The following RHEB variants were observed in gnomAD, a reference collection of about 807,000 sequenced individuals.
RHEB encodes Ras homolog, mTORC1 binding, also known as GTP-binding protein Rheb.
In RHEB, 2 loss-of-function variants were observed where a neutral mutation model predicts 28.8. That is an observed-to-expected ratio of 0.07 (90% CI 0.03 to 0.22). The LOEUF (loss-of-function observed/expected upper bound fraction) is 0.22. Among genes scored for constraint, RHEB ranks in the 10% least tolerant of loss-of-function variants. RHEB has a pLI of 1.00. For missense variants in RHEB, 76 were observed against 219.9 expected (o/e 0.35, Z 4.14); for synonymous variants, 69 against 77.3 (o/e 0.89, Z 0.56).
chr7:151,519,555 C>T lies in RHEB; in HGVS notation c.-44G>A, dbSNP rs758848011. The T allele has an allele frequency of 6.6e-6, 10 of 1,511,592 alleles. No homozygotes were observed. Among genetic ancestry groups the T allele is most frequent in the East Asian group, 2.7e-5 (1 of 36,578 alleles). 93.6% of individuals were successfully genotyped at this position (1,511,592 alleles called of 1,614,324 possible). ...CCCGGCCCAACCACATCAACCGCGGCGGCGGTGGCTCCTGCTGCTGTGATC... is the reference window on the plus strand; with the variant it reads ...CCCGGCCCAACCACATCAACCGCGGTGGCGGTGGCTCCTGCTGCTGTGATC... On this transcript the variant is annotated 5_prime_UTR_variant, in exon 1 of 8. Transcript: ENST00000262187.
At chr7:151,486,805 T>A (rs1344897519) in intron 2 of RHEB, among the ~76,000 whole-genome samples, 1 of 152,164 alleles carries the variant, frequency 6.6e-6, no homozygotes, top group East Asian at 1.9e-4. Flanking sequence ...TGGAAATATT[T>A]CAGAGGCAGA....
chr7:151,484,935 A>C lies in RHEB; in HGVS notation c.125-131T>G, dbSNP rs1212386500. On this transcript the variant is annotated intron_variant, in intron 2 of 7. Coordinates refer to ENST00000262187, the MANE Select transcript of RHEB (RefSeq NM_005614.4). ...AGAGAAAGGCCCCATGAAACAAAAA[A>C]GAACAACTCTCTGACTTGTATAGAT... The C allele has an allele frequency of 6.5e-6, 4 of 614,560 alleles. No homozygotes were observed. In the Admixed American group the frequency reaches 1.2e-4, roughly 18 times the overall value. The allele number at this position is 614,560 out of a possible 1,614,324, so 38.1% of individuals were successfully genotyped here.
chr7:151,478,817 T>C (rs1040951985), intron 3 of RHEB, among the ~76,000 whole-genome samples: 2 of 152,164 alleles, frequency 1.3e-5, no homozygotes, highest in Non-Finnish European at 2.9e-5. Context: ...GCATTTGCAG[T>C]AGAGACAGGA....
At chr7:151,514,481 C>A (rs1392335295) in intron 1 of RHEB, among the ~76,000 whole-genome samples, 2 of 151,982 alleles carry the variant, frequency 1.3e-5, no homozygotes, top group East Asian at 3.9e-4. Context: ...CCACTTCACA[C>A]CCAATAGGAT....
At chr7:151,504,662 G>A (rs777271725) in intron 1 of RHEB, among the ~76,000 whole-genome samples, 3 of 152,128 alleles carry the variant, frequency 2.0e-5, no homozygotes, top group Non-Finnish European at 4.4e-5. Flanking sequence ...GTTGTGCTAA[G>A]TAGCCAGACG....
At chr7:151,479,645 A>T (rs185467607) in intron 3 of RHEB, among the ~76,000 whole-genome samples, 1,923 of 149,606 alleles carry the variant, frequency 0.013, 33 homozygotes, top group African/African-American at 0.043. Flanking sequence ...ATCGCGCCAC[A>T]GCACTCCAGC....
chr7:151,480,533 T>G (rs1387636014), intron 3 of RHEB, among the ~76,000 whole-genome samples: 2 of 152,132 alleles, frequency 1.3e-5, no homozygotes, highest in Non-Finnish European at 2.9e-5. Context: ...AGGAACGTCT[T>G]AAGTTTTACT....
Position 151,503,776 on chromosome 7 carries a change from A to AAT in RHEB, c.53-12763_53-12762insAT, listed in dbSNP as rs1554439921. 7.4e-3 allele frequency among the ~76,000 whole-genome samples: 1,112 copies of AAT among 151,240 alleles called. 12 individuals are homozygous for AAT. Among genetic ancestry groups the AAT allele is most frequent in the African/African-American group, 0.018 (753 of 41,242 alleles). ...CTTGTATTTTATGAAAAAAAAAAAAATTTTTTTAAGCCTTCATATACAGAA... is the reference window on the plus strand; with the variant it reads ...CTTGTATTTTATGAAAAAAAAAAAAAATTTTTTTTAAGCCTTCATATACAGAA... On this transcript the variant is annotated intron_variant, in intron 1 of 7. Transcript: ENST00000262187.
intron 3 of RHEB, among the ~76,000 whole-genome samples, chr7:151,479,943 T>C (rs770304826): frequency 1.5e-4 from 23 of 152,152 alleles, no homozygotes; most frequent in Non-Finnish European, 2.2e-4. Context: ...TACAAACATC[T>C]TCTAACATAG....
chr7:151,473,136 T>C (rs1416594547), intron 4 of RHEB, among the ~76,000 whole-genome samples: 1 of 152,226 alleles, frequency 6.6e-6, no homozygotes, highest in African/African-American at 2.4e-5. Context: ...GAACAGAATA[T>C]GGCAAAGGTG....
Position 151,481,124 on chromosome 7 carries a change from A to T in RHEB, c.192+3613T>A, listed in dbSNP as rs553269013. ...AGGCATAAATAGGTTAATATAGAAG[A>T]GGCTACTTTTTTTTTTTTTTGATAC... On this transcript the variant is annotated intron_variant, in intron 3 of 7. Transcript: ENST00000262187. Among the ~76,000 whole-genome samples the T allele has an allele frequency of 3.3e-5, 5 of 150,710 alleles. No individual in the cohort carries two copies. In the South Asian group the frequency reaches 1.0e-3, roughly 31 times the overall value.
At chr7:151,515,139 C>T (rs897759467) in intron 1 of RHEB, among the ~76,000 whole-genome samples, 2 of 151,416 alleles carry the variant, frequency 1.3e-5, no homozygotes, top group Non-Finnish European at 2.9e-5. Context: ...ATGTGGTATA[C>T]TCACATGACA....
chr7:151,467,875 GGGA>G (rs1466752999), intron 7 of RHEB, among the ~76,000 whole-genome samples: 3 of 152,108 alleles, frequency 2.0e-5, no homozygotes, highest in African/African-American at 4.8e-5. Context: ...ACACTGAGTG[GGGA>G]GGAGAACTGT....
At chr7:151,513,437 G>A (rs1039036005) in intron 1 of RHEB, among the ~76,000 whole-genome samples, 6 of 152,202 alleles carry the variant, frequency 3.9e-5, no homozygotes, top group African/African-American at 1.2e-4. Flanking sequence ...CACTCATAGC[G>A]AACAGTGTTC....
intron 1 of RHEB, among the ~76,000 whole-genome samples, chr7:151,500,045 G>A (rs887129378): frequency 7.2e-5 from 11 of 152,124 alleles, no homozygotes; most frequent in Admixed American, 1.3e-4. Flanking sequence ...CAAGCGGTCC[G>A]CCCATTCTGT....
chr7:151,487,644 G>GT (rs1274208852), intron 2 of RHEB, among the ~76,000 whole-genome samples: 4 of 152,108 alleles, frequency 2.6e-5, no homozygotes, highest in Non-Finnish European at 5.9e-5. Flanking sequence ...AAAACTGCCA[G>GT]TTTTTTACTA....
intron 7 of RHEB, among the ~76,000 whole-genome samples, chr7:151,469,374 A>G (rs1476889467): frequency 2.0e-5 from 3 of 152,232 alleles, no homozygotes; most frequent in Non-Finnish European, 4.4e-5. Context: ...AGAAGAAACC[A>G]CAATTTCTTT....
In RHEB at chr7:151,519,792, G is replaced by C. The variant is rs980419304; in HGVS notation, c.-281C>G. The C allele has an allele frequency of 5.5e-4, 172 of 310,536 alleles. No individual in the cohort carries two copies. Among genetic ancestry groups the C allele is most frequent in the African/African-American group, 3.4e-3 (158 of 45,874 alleles). The allele number at this position is 310,536 out of a possible 1,614,324, so 19.2% of individuals were successfully genotyped here. ...GCCGCCTCCGCCCCCCGAAATACGCGGGGGGTGCGTCGGGGCGACGTTTTA... is the reference window on the plus strand; with the variant it reads ...GCCGCCTCCGCCCCCCGAAATACGCCGGGGGTGCGTCGGGGCGACGTTTTA... On this transcript the variant is annotated 5_prime_UTR_variant, in exon 1 of 8. Coordinates refer to ENST00000262187, the MANE Select transcript of RHEB (RefSeq NM_005614.4).
In RHEB at chr7:151,467,027, A is replaced by C. The variant is rs563918409; in HGVS notation, c.*92T>G. ...ATGATATCTTTCAGGTTAACAGAAGAAAAAAGAAGCATAGTTTATCTTCAA... is the reference window on the plus strand; with the variant it reads ...ATGATATCTTTCAGGTTAACAGAAGCAAAAAGAAGCATAGTTTATCTTCAA... On this transcript the variant is annotated 3_prime_UTR_variant, in exon 8 of 8. Coordinates refer to ENST00000262187, the MANE Select transcript of RHEB (RefSeq NM_005614.4). The C allele has an allele frequency of 1.1e-6, 1 of 909,042 alleles. No individual in the cohort carries two copies. Among genetic ancestry groups the C allele is most frequent in the African/African-American group, 1.6e-5 (1 of 60,688 alleles). 56.3% of individuals were successfully genotyped at this position (909,042 alleles called of 1,614,324 possible).
Sources: gnomAD v4.1 joint callset for allele counts (sites outside exome capture counted in the v4.1 genomes callset) on GRCh38, gnomAD v4.1.1 for gene constraint, MANE v1.5 for transcripts, NCBI Gene and HGNC (gene_info 2026-07-23, HGNC 2026-07-21) for gene names.